ADGRL2: variants seen among roughly 807,000 people sequenced by gnomAD.
ADGRL2 encodes the protein adhesion G protein-coupled receptor L2.
ADGRL2 carries 44 observed loss-of-function variants against 157.4 expected under a neutral mutation model. The ratio of observed to expected loss-of-function variants is 0.28; its 90% CI spans 0.22 to 0.36. ADGRL2 has a LOEUF of 0.36. ADGRL2 is among the 10% of genes least tolerant of loss of function. The pLI is 1.00. For synonymous variants in ADGRL2, 585 were observed against 624.7 expected (o/e 0.94, Z 0.95); for missense variants, 1,510 against 1,768.9 (o/e 0.85, Z 2.63).
chr1:81,969,311 T>G lies in ADGRL2; in HGVS notation c.2657T>G (p.Ile886Ser), dbSNP rs1658056357. ...GGCCTACAGAGTGACCGAAATACTA[T>G]TCACAAGAACCTTTGTATCAACCTT... is the stretch of plus-strand genomic sequence containing the variant. The part of the protein sequence containing the change: ...FRGLQSDRNT[I>S]HKNLCINLFI... The change falls in exon 15 of 24, where the codon ATT becomes AGT. Residue 886 changes from isoleucine to serine, a missense_variant. Around this residue, in one of 4 missense-constraint regions of ADGRL2, gnomAD observed 497 missense variants for 627.2 expected, o/e 0.79. Transcript: ENST00000686636. The G allele has an allele frequency of 6.2e-7, 1 of 1,613,914 alleles. No individual in the cohort carries two copies. The highest frequency in any genetic ancestry group is 1.7e-5 in the Admixed American group (1 of 60,002).
At chr1:81,459,814 A>AT (rs1404024238) in intron 2 of ADGRL2, among the ~76,000 whole-genome samples, 1 of 13,310 alleles carries the variant, frequency 7.5e-5, no homozygotes, top group Admixed American at 7.9e-4. Flanking sequence ...ATGTGTTTGT[A>AT]TATATATATA....
chr1:81,797,567 A>G (rs1010539081), upstream of ADGRL2, among the ~76,000 whole-genome samples: 4 of 152,142 alleles, frequency 2.6e-5, no homozygotes, highest in African/African-American at 9.7e-5. Context: ...GCTTACACTA[A>G]TCACAATATT....
rs115758744 is a variant in ADGRL2, at chr1:81,425,802, A to G, written c.-301-19234A>G. 2.6e-3 allele frequency among the ~76,000 whole-genome samples: 403 copies of G among 152,322 alleles called. 2 individuals are homozygous for G. The highest frequency in any genetic ancestry group is 9.3e-3 in the African/African-American group (388 of 41,574). ...GAGTACCAGAAACTATAGGGGAGAAAAAGTAATACATGGCTGACAACCATA... is the reference window on the plus strand; with the variant it reads ...GAGTACCAGAAACTATAGGGGAGAAGAAGTAATACATGGCTGACAACCATA... On this transcript the variant is annotated intron_variant, in intron 1 of 24. Coordinates refer to the ADGRL2 transcript ENST00000370721.
At chr1:81,802,047 A>T (rs867426691) in intron 1 of ADGRL2, among the ~76,000 whole-genome samples, 12 of 150,412 alleles carry the variant, frequency 8.0e-5, no homozygotes, top group Middle Eastern at 3.4e-3. Context: ...GGACGCGCCG[A>T]GCTGCGGCGC....
chr1:81,419,400 G>T (rs911766573), intron 1 of ADGRL2, among the ~76,000 whole-genome samples: 1 of 152,090 alleles, frequency 6.6e-6, no homozygotes, highest in Middle Eastern at 3.4e-3. Flanking sequence ...TGGAAACAGG[G>T]TTTCACCATG....
chr1:81,791,960 CT>C (rs2087370447), intron 2 of ADGRL2, among the ~76,000 whole-genome samples: 1 of 152,012 alleles, frequency 6.6e-6, no homozygotes, highest in Non-Finnish European at 1.5e-5. Flanking sequence ...TCTATAAATC[CT>C]TATGTCCTAA....
At chr1:81,687,588 A>G (rs2083255418) in intron 3 of ADGRL2, among the ~76,000 whole-genome samples, 1 of 152,190 alleles carries the variant, frequency 6.6e-6, no homozygotes, top group Admixed American at 6.5e-5. Context: ...TTAATTATCC[A>G]TTCTGCAATT....
chr1:81,516,433 C>A (rs1570352075), intron 2 of ADGRL2, among the ~76,000 whole-genome samples: 1 of 152,128 alleles, frequency 6.6e-6, no homozygotes, highest in African/African-American at 2.4e-5. Context: ...TAGATTCCTG[C>A]ATTTTCTTCC....
chr1:81,928,209 A>T (rs1225544229), intron 3 of ADGRL2, among the ~76,000 whole-genome samples: 3 of 152,102 alleles, frequency 2.0e-5, no homozygotes, highest in African/African-American at 7.2e-5. Flanking sequence ...TGGAGAAGTG[A>T]TTAGTAGCTA....
intron 3 of ADGRL2, among the ~76,000 whole-genome samples, chr1:81,916,830 C>G (rs2094865863): frequency 6.6e-6 from 1 of 151,782 alleles, no homozygotes; most frequent in Admixed American, 6.6e-5. Flanking sequence ...AATAAAATGC[C>G]TAGCTGTATT....
intron 2 of ADGRL2, among the ~76,000 whole-genome samples, chr1:81,456,822 C>T (rs1340567124): frequency 6.6e-6 from 1 of 152,052 alleles, no homozygotes. Flanking sequence ...AACTTGTTAT[C>T]CCACCTGTCT....
chr1:81,930,048 G>A (rs982049038), intron 3 of ADGRL2, among the ~76,000 whole-genome samples: 1 of 152,106 alleles, frequency 6.6e-6, no homozygotes, highest in African/African-American at 2.4e-5. Flanking sequence ...TGATTCTACA[G>A]CTTCTGCTTT....
chr1:81,316,130 CAA>C (rs1169587245), intron 1 of ADGRL2, among the ~76,000 whole-genome samples: 186 of 107,844 alleles, frequency 1.7e-3, no homozygotes, highest in African/African-American at 6.9e-3. Flanking sequence ...ACCAAAAAAA[CAA>C]AAAAAAAAAA....
chr1:81,985,378 G>T, intron 21 of ADGRL2, 23 bp downstream of exon 21: 1 of 1,331,706 alleles, frequency 7.5e-7, no homozygotes, highest in Non-Finnish European at 1.1e-6. Context: ...GAAAATTTGA[G>T]TTACTACCAT....
chr1:81,542,231 C>T (rs1052717905), intron 2 of ADGRL2, among the ~76,000 whole-genome samples: 6 of 152,128 alleles, frequency 3.9e-5, no homozygotes, highest in African/African-American at 1.4e-4. Context: ...TGGATGGTAA[C>T]GTGTATATCT....
In ADGRL2 at chr1:81,943,501, C is replaced by T. The variant is rs146887160; in HGVS notation, c.942C>T (p.Ala314=). The change falls in exon 6 of 24, where the codon GCC becomes GCT. Residue 314 remains alanine, a synonymous_variant. Transcript: ENST00000686636. The surrounding 1 kb of genome is among the most constrained non-coding windows in gnomAD (Gnocchi z 5.6). ...ATWETVYDKR[A]ASNAFMICGV... The stretch of plus-strand genomic sequence containing the variant: ...GGGAGACTGTATACGACAAACGTGC[C>T]GCATCAAATGCTTTTATGATATGCG... 28 of 1,613,588 alleles carry T rather than the reference C, an allele frequency of 1.7e-5. No individual in the cohort carries two copies. The African/African-American group carries it at 3.1e-4, about 18-fold the overall frequency.
At chr1:81,353,345 A>G (rs950312925) in intron 1 of ADGRL2, among the ~76,000 whole-genome samples, 4 of 152,126 alleles carry the variant, frequency 2.6e-5, no homozygotes, top group East Asian at 1.9e-4. Context: ...AAAGGCCACA[A>G]CCAGATTTGC....
At chr1:81,914,980 A>C (rs1383345651) in intron 3 of ADGRL2, among the ~76,000 whole-genome samples, 1 of 152,234 alleles carries the variant, frequency 6.6e-6, no homozygotes, top group Non-Finnish European at 1.5e-5. Flanking sequence ...AGAAAGACTA[A>C]TAAATTTTGA....
Position 81,858,248 on chromosome 1 carries a change from G to A in ADGRL2, c.73+21191G>A, listed in dbSNP as rs544595010. 5.3e-5 allele frequency among the ~76,000 whole-genome samples: 8 copies of A among 152,158 alleles called. No individual in the cohort carries two copies. In the South Asian group the frequency reaches 1.7e-3, roughly 32 times the overall value. ...ACATAAAATTTGAAATTCTGTAAAA[G>A]GTACATCAAAATAAGGAAAGCCAGA... On this transcript the variant is annotated intron_variant, in intron 2 of 23. Coordinates refer to ENST00000686636, the MANE Select transcript of ADGRL2 (RefSeq NM_001366006.2).
Sources: allele counts gnomAD v4.1 joint callset (sites outside exome capture counted in the v4.1 genomes callset), GRCh38; gene constraint gnomAD v4.1.1; regional missense constraint gnomAD v4.1.1; non-coding constraint Gnocchi (gnomAD v3.1); transcripts MANE v1.5; gene names NCBI Gene and HGNC (gene_info 2026-07-23, HGNC 2026-07-21).